KSR2: variants seen among roughly 807,000 people sequenced by gnomAD.
KSR2 encodes the protein kinase suppressor of ras 2.
A neutral mutation model predicts 107.8 loss-of-function variants in KSR2; 25 were observed. That is an observed-to-expected ratio of 0.23 (90% CI 0.17 to 0.32). The LOEUF (loss-of-function observed/expected upper bound fraction) is 0.32. KSR2 is among the 10% of genes least tolerant of loss of function. The pLI, the probability that KSR2 is intolerant of heterozygous loss-of-function variation, is 1.00. For missense variants in KSR2, 887 were observed against 1,268.9 expected (o/e 0.70, Z 4.57); for synonymous variants, 480 against 507.0 (o/e 0.95, Z 0.71).
intron 3 of KSR2, among the ~76,000 whole-genome samples, chr12:117,782,179 TA>T (rs1889910152): frequency 6.6e-6 from 1 of 152,202 alleles, no homozygotes; most frequent in Non-Finnish European, 1.5e-5. Flanking sequence ...TGGCCAATAG[TA>T]TCTGGACCAG....
intron 3 of KSR2, among the ~76,000 whole-genome samples, chr12:117,779,782 C>T (rs1185090827): frequency 2.0e-5 from 3 of 152,168 alleles, no homozygotes; most frequent in Admixed American, 2.0e-4. Context: ...TGAGGCCTCC[C>T]CAGCCATGCA....
At chr12:117,596,187 C>T (rs756041465) in intron 5 of KSR2, among the ~76,000 whole-genome samples, 9 of 152,004 alleles carry the variant, frequency 5.9e-5, no homozygotes, top group Non-Finnish European at 7.4e-5. Flanking sequence ...ACAATCATGG[C>T]GGAAGGCGAA....
chr12:117,679,010 T>C (rs985971884), intron 4 of KSR2, among the ~76,000 whole-genome samples: 1 of 152,256 alleles, frequency 6.6e-6, no homozygotes, highest in African/African-American at 2.4e-5. Context: ...TGAATTCGTA[T>C]TGTCTCTAGT....
At chr12:117,664,901 CAG>C (rs990309931) in intron 5 of KSR2, among the ~76,000 whole-genome samples, 1 of 152,112 alleles carries the variant, frequency 6.6e-6, no homozygotes, top group Non-Finnish European at 1.5e-5. Flanking sequence ...CAGGCAGAGA[CAG>C]AGGCCACAAA....
intron 5 of KSR2, among the ~76,000 whole-genome samples, chr12:117,594,814 ATG>A (rs1325579392): frequency 6.6e-6 from 1 of 152,216 alleles, no homozygotes; most frequent in African/African-American, 2.4e-5. Flanking sequence ...ACATTTGGCA[ATG>A]TGTGCAGACA....
chr12:117,549,948 A>G lies in KSR2; in HGVS notation c.1518+5221T>C, dbSNP rs966545254. 2.0e-5 allele frequency among the ~76,000 whole-genome samples: 3 copies of G among 152,236 alleles called. No homozygotes were observed. In the East Asian group the frequency reaches 5.8e-4, roughly 29 times the overall value. On this transcript the variant is annotated intron_variant, in intron 9 of 19. Transcript: ENST00000339824. The stretch of plus-strand genomic sequence containing the variant: ...CTTATCCTGGCAGAATTGTTACAAC[A>G]GGAGGGAAAATCTCTTCTGCAGGTT...
chr12:117,709,235 A>C (rs901926847), intron 4 of KSR2, among the ~76,000 whole-genome samples: 2 of 152,092 alleles, frequency 1.3e-5, no homozygotes, highest in Non-Finnish European at 2.9e-5. Flanking sequence ...ACTGGTGTTA[A>C]TCCCCAAAGC....
intron 14 of KSR2, among the ~76,000 whole-genome samples, chr12:117,486,762 T>A (rs1324147364): frequency 6.6e-6 from 1 of 152,142 alleles, no homozygotes; most frequent in Non-Finnish European, 1.5e-5. Context: ...TTACTGTATG[T>A]CTTGAGGTGG....
chr12:117,800,359 T>C (rs1156311773), intron 3 of KSR2, among the ~76,000 whole-genome samples: 1 of 152,042 alleles, frequency 6.6e-6, no homozygotes, highest in Non-Finnish European at 1.5e-5. Flanking sequence ...TGGTTCCTCA[T>C]GTGCTATTTT....
At chr12:117,521,648 C>G (rs1313772076) in intron 14 of KSR2, among the ~76,000 whole-genome samples, 3 of 152,212 alleles carry the variant, frequency 2.0e-5, no homozygotes, top group Admixed American at 6.5e-5. Context: ...TACTTGTTAA[C>G]TTCGATGATA....
intron 1 of KSR2, among the ~76,000 whole-genome samples, chr12:117,956,094 C>CA (rs1333217574): frequency 1.5e-4 from 22 of 150,822 alleles, no homozygotes; most frequent in Non-Finnish European, 3.0e-4. Context: ...ACTAAAAATA[C>CA]AAAAAATTAG....
rs375786036 is a variant in KSR2, at chr12:117,572,726, A to G, written c.1325+6393T>C. ...AAAAAAAAAAAAAAAAGAGAAAAGA[A>G]AAAGGAAAAAGCACCTCTGTTTAAA... On this transcript the variant is annotated intron_variant, in intron 7 of 19. Coordinates refer to ENST00000339824, the MANE Select transcript of KSR2 (RefSeq NM_173598.6). Among the ~76,000 whole-genome samples the G allele has an allele frequency of 9.5e-3, 1,447 of 152,076 alleles. 13 individuals are homozygous for G. Among genetic ancestry groups the G allele is most frequent in the African/African-American group, 0.028 (1,147 of 41,454 alleles).
At position 117,874,971 on chromosome 12, in the gene KSR2, G is replaced by A. The variant is rs76039247; in HGVS notation, c.181-14540C>T. Among the ~76,000 whole-genome samples the A allele has an allele frequency of 3.2e-3, 489 of 152,260 alleles. 10 individuals are homozygous for A. The East Asian group carries it at 0.042, about 13-fold the overall frequency. On this transcript the variant is annotated intron_variant, in intron 1 of 19. Coordinates refer to ENST00000339824, the MANE Select transcript of KSR2 (RefSeq NM_173598.6). Reference sequence around the variant, plus strand: ...TGGGGTTAGAGGGATCACAGGTTGCGGAAATCCGACGGAGCTGGAGCCCGG... The same window carrying A: ...TGGGGTTAGAGGGATCACAGGTTGCAGAAATCCGACGGAGCTGGAGCCCGG...
At chr12:117,832,431 AGCG>A (rs1892011501) in intron 3 of KSR2, among the ~76,000 whole-genome samples, 1 of 152,218 alleles carries the variant, frequency 6.6e-6, no homozygotes, top group Non-Finnish European at 1.5e-5. Context: ...CTACAGACCC[AGCG>A]TCATCAACAA....
rs74753151 is a variant in KSR2, at chr12:117,574,371, T to C, written c.1325+4748A>G. Among the ~76,000 whole-genome samples the C allele has an allele frequency of 0.025, 3,868 of 152,238 alleles. 310 individuals carry two copies. The East Asian group carries it at 0.31, about 12-fold the overall frequency. On this transcript the variant is annotated intron_variant, in intron 7 of 19. Transcript: ENST00000339824. ...CTAGGACTGTATCAGCCTGCTTTCA[T>C]GCTGCCGATAAAGACATCCCTGAGA...
At chr12:117,641,832 C>T (rs189164306) in intron 5 of KSR2, among the ~76,000 whole-genome samples, 4 of 152,248 alleles carry the variant, frequency 2.6e-5, no homozygotes, top group Admixed American at 2.6e-4. Context: ...TTGTGAGCTT[C>T]CCTCAGGTCC....
intron 1 of KSR2, among the ~76,000 whole-genome samples, chr12:117,916,957 T>G (rs1895196423): frequency 6.6e-6 from 1 of 152,200 alleles, no homozygotes; most frequent in Non-Finnish European, 1.5e-5. Context: ...ACAGCTGGGT[T>G]TGTACATGGG....
intron 4 of KSR2, among the ~76,000 whole-genome samples, chr12:117,745,486 A>T (rs892552971): frequency 6.6e-6 from 1 of 152,182 alleles, no homozygotes; most frequent in African/African-American, 2.4e-5. Flanking sequence ...GAATTCAAAC[A>T]ACTCAATAGC....
At chr12:117,496,970 C>A (rs1035168097) in intron 14 of KSR2, among the ~76,000 whole-genome samples, 9 of 151,564 alleles carry the variant, frequency 5.9e-5, no homozygotes, top group African/African-American at 2.2e-4. Flanking sequence ...CCTGCCTCAG[C>A]CTCCCAAGTA....
Sources: gnomAD v4.1 joint callset for allele counts (sites outside exome capture counted in the v4.1 genomes callset) on GRCh38, gnomAD v4.1.1 for gene constraint, MANE v1.5 for transcripts, NCBI Gene and HGNC (gene_info 2026-07-23, HGNC 2026-07-21) for gene names.